Variants in C9 observed in about 807,000 individuals in gnomAD.
The protein encoded by C9 is complement C9, also known as complement component C9.
A neutral mutation model predicts 65.4 loss-of-function variants in C9; 63 were observed. The ratio of observed to expected loss-of-function variants is 0.96; its 90% CI spans 0.79 to 1.19. C9 has a LOEUF of 1.19. C9 is among the 50% of genes most tolerant of loss of function. C9 has a pLI of 0.00. For synonymous variants in C9, 229 were observed against 227.9 expected (o/e 1.00, Z -0.04); for missense variants, 744 against 670.1 (o/e 1.11, Z -1.22).
chr5:39,345,070 G>T (rs497433), intron 1 of C9, among the ~76,000 whole-genome samples: 11,751 of 151,764 alleles, frequency 0.077, 894 homozygotes, highest in African/African-American at 0.19. Flanking sequence ...CAAAAACATG[G>T]CAAATTGTAA....
intron 1 of C9, among the ~76,000 whole-genome samples, chr5:39,353,481 C>T (rs1754358351): frequency 6.6e-6 from 1 of 152,188 alleles, no homozygotes; most frequent in Non-Finnish European, 1.5e-5. Context: ...CTCATGTCTT[C>T]AGGCTTTTAA....
chr5:39,294,638 A>C (rs1753151812), intron 9 of C9, among the ~76,000 whole-genome samples: 1 of 151,880 alleles, frequency 6.6e-6, no homozygotes, highest in Admixed American at 6.6e-5. Flanking sequence ...CAAATCTTTA[A>C]ACAAGAATTA....
intron 9 of C9, among the ~76,000 whole-genome samples, chr5:39,293,007 TG>T (rs1208796434): frequency 6.6e-6 from 1 of 151,320 alleles, no homozygotes; most frequent in African/African-American, 2.4e-5. Flanking sequence ...TTAACTGAAA[TG>T]TTAAAGGGAG....
chr5:39,289,097 T>G (rs1226116436), intron 9 of C9, 146 bp from the exon 10 acceptor site: 3 of 655,528 alleles, frequency 4.6e-6, no homozygotes, highest in Non-Finnish European at 8.2e-6. Context: ...GATGTTAGCT[T>G]TTAAACAATC....
chr5:39,354,123 T>C (rs1002603217), intron 1 of C9, among the ~76,000 whole-genome samples: 2 of 151,344 alleles, frequency 1.3e-5, no homozygotes, highest in Admixed American at 6.6e-5. Context: ...ATGTATTACA[T>C]GGGATGCCAA....
At chr5:39,352,713 ACTCT>A (rs905610713) in intron 1 of C9, among the ~76,000 whole-genome samples, 2 of 152,038 alleles carry the variant, frequency 1.3e-5, no homozygotes, top group Non-Finnish European at 2.9e-5. Flanking sequence ...TACAAAAATT[ACTCT>A]CTAATTCAGT....
At chr5:39,361,741 A>G (rs553664255) in intron 1 of C9, among the ~76,000 whole-genome samples, 15 of 152,340 alleles carry the variant, frequency 9.8e-5, no homozygotes, top group Admixed American at 3.3e-4. Context: ...CTTGAGAAAC[A>G]TAAGAGATGA....
intron 9 of C9, among the ~76,000 whole-genome samples, chr5:39,302,653 C>T (rs999380223): frequency 1.3e-5 from 2 of 152,022 alleles, no homozygotes; most frequent in Non-Finnish European, 2.9e-5. Flanking sequence ...TACAGCTTAA[C>T]ATATAGACAT....
chr5:39,324,066 C>T (rs1005160485), intron 5 of C9, among the ~76,000 whole-genome samples: 16 of 151,930 alleles, frequency 1.1e-4, no homozygotes, highest in Non-Finnish European at 2.2e-4. Context: ...CCATTTACTA[C>T]AGAATTAAAA....
intron 1 of C9, among the ~76,000 whole-genome samples, chr5:39,345,800 C>T (rs1754180973): frequency 6.6e-6 from 1 of 152,158 alleles, no homozygotes; most frequent in African/African-American, 2.4e-5. Flanking sequence ...TGTAAAAGAA[C>T]AGAAATTATA....
chr5:39,300,471 A>T (rs759369386), intron 9 of C9, among the ~76,000 whole-genome samples: 12 of 152,022 alleles, frequency 7.9e-5, no homozygotes, highest in Non-Finnish European at 1.5e-4. Flanking sequence ...AACAAAGATC[A>T]TCACATTTGA....
chr5:39,306,737 TC>T lies in C9; in HGVS notation c.1295del (p.Gly432GlufsTer9). The T allele has an allele frequency of 6.2e-7, 1 of 1,612,778 alleles. No homozygotes were observed. The highest frequency in any genetic ancestry group is 8.5e-7 in the Non-Finnish European group (1 of 1,178,830). On this transcript the variant is annotated frameshift_variant, in exon 9 of 11. Transcript: ENST00000263408. LOFTEE classifies it high-confidence loss of function. Reference sequence around the variant, plus strand: ...TCAGTTCAAATGCATATTTTCTGGTTCCACCTCTTATGAGTGAAACAACATC... The same window carrying T: ...TCAGTTCAAATGCATATTTTCTGGTTCACCTCTTATGAGTGAAACAACATC... ...IDDVVSLIRGGTRKYAFELKE... is the reference protein window; with the variant it reads ...IDDVVSLIRGXTRKYAFELKE...
At chr5:39,304,972 C>A (rs1579845523) in intron 9 of C9, among the ~76,000 whole-genome samples, 1 of 152,058 alleles carries the variant, frequency 6.6e-6, no homozygotes, top group African/African-American at 2.4e-5. Context: ...ATTATTAAGA[C>A]CTCTTCAGAG....
chr5:39,356,766 G>GGA (rs1432395025), intron 1 of C9, among the ~76,000 whole-genome samples: 1 of 152,180 alleles, frequency 6.6e-6, no homozygotes, highest in African/African-American at 2.4e-5. Context: ...AGCTTCTTCT[G>GGA]TCTTTCATCC....
chr5:39,320,675 A>C (rs2111907470), intron 5 of C9, among the ~76,000 whole-genome samples: 1 of 152,246 alleles, frequency 6.6e-6, no homozygotes, highest in Admixed American at 6.5e-5. Context: ...CAGGTCCATG[A>C]ATCCCAAAGA....
At chr5:39,295,815 T>C (rs1310200212) in intron 9 of C9, among the ~76,000 whole-genome samples, 1 of 151,648 alleles carries the variant, frequency 6.6e-6, no homozygotes, top group African/African-American at 2.4e-5. Context: ...AAATCAGCAT[T>C]GTACTGCCAT....
intron 6 of C9, among the ~76,000 whole-genome samples, chr5:39,313,860 C>A (rs1187699376): frequency 6.6e-6 from 1 of 152,142 alleles, no homozygotes; most frequent in Non-Finnish European, 1.5e-5. Flanking sequence ...GTCTAATAAA[C>A]ACCTCAAACT....
chr5:39,321,511 C>A (rs1289235230), intron 5 of C9, among the ~76,000 whole-genome samples: 2 of 150,928 alleles, frequency 1.3e-5, no homozygotes, highest in African/African-American at 4.9e-5. Context: ...AAAGAAATAG[C>A]CAGAAAGAAC....
intron 4 of C9, among the ~76,000 whole-genome samples, chr5:39,334,367 T>C (rs1753913013): frequency 6.9e-6 from 1 of 144,946 alleles, no homozygotes; most frequent in South Asian, 2.2e-4. Flanking sequence ...GAGGAGACCC[T>C]CTGCCTGGCA....
Sources: allele counts gnomAD v4.1 joint callset (sites outside exome capture counted in the v4.1 genomes callset), GRCh38; gene constraint gnomAD v4.1.1; transcripts MANE v1.5; gene names NCBI Gene and HGNC (gene_info 2026-07-23, HGNC 2026-07-21).